SLC8A1: variants seen among roughly 807,000 people sequenced by gnomAD.
SLC8A1 encodes the protein solute carrier family 8 member A1.
SLC8A1 carries 18 observed loss-of-function variants against 68.3 expected under a neutral mutation model. The observed-to-expected ratio is 0.26, with a 90% CI of 0.18 to 0.39. The LOEUF is 0.39. Ranked by LOEUF, SLC8A1 falls within the 10% of genes least tolerant of loss-of-function variation. SLC8A1 has a pLI of 1.00. For missense variants in SLC8A1, 985 were observed against 1,156.7 expected (o/e 0.85, Z 2.15); for synonymous variants, 475 against 415.5 (o/e 1.14, Z -1.74).
At chr2:40,217,824 C>G (rs1210371015) in intron 2 of SLC8A1, among the ~76,000 whole-genome samples, 2 of 152,160 alleles carry the variant, frequency 1.3e-5, no homozygotes, top group Non-Finnish European at 2.9e-5. Context: ...ATAAGTCAAT[C>G]TAAATCATAC....
At chr2:40,494,656 T>C (rs1026735088) in intron 1 of SLC8A1, among the ~76,000 whole-genome samples, 4 of 113,328 alleles carry the variant, frequency 3.5e-5, no homozygotes, top group Non-Finnish European at 7.2e-5. Flanking sequence ...TATATATATA[T>C]ATATATATAT....
chr2:40,322,207 G>A (rs2075283367), intron 2 of SLC8A1, among the ~76,000 whole-genome samples: 1 of 152,102 alleles, frequency 6.6e-6, no homozygotes, highest in African/African-American at 2.4e-5. Flanking sequence ...AGTTTTCCAG[G>A]TATCCCTGGG....
intron 2 of SLC8A1, among the ~76,000 whole-genome samples, chr2:40,223,996 C>T (rs2058667625): frequency 1.3e-5 from 2 of 152,050 alleles, no homozygotes; most frequent in Admixed American, 6.6e-5. Context: ...CCTAAAATGA[C>T]ATAAGTAGCT....
intron 6 of SLC8A1, among the ~76,000 whole-genome samples, chr2:40,151,510 A>G (rs1320569658): frequency 6.6e-6 from 1 of 151,828 alleles, no homozygotes; most frequent in Non-Finnish European, 1.5e-5. Flanking sequence ...GTTTTTTTTT[A>G]TTTAGATTCT....
intron 2 of SLC8A1, among the ~76,000 whole-genome samples, chr2:40,313,827 T>C (rs1167359258): frequency 1.3e-5 from 2 of 152,130 alleles, no homozygotes; most frequent in Admixed American, 6.6e-5. Flanking sequence ...TGTTAACATA[T>C]ATTTTCTTTA....
intron 2 of SLC8A1, among the ~76,000 whole-genome samples, chr2:40,217,492 T>C (rs908303331): frequency 1.3e-5 from 2 of 152,150 alleles, no homozygotes; most frequent in African/African-American, 4.8e-5. Context: ...CCTGTATAGT[T>C]TCTTGGATGC....
At chr2:40,232,170 G>C (rs896672156) in intron 2 of SLC8A1, among the ~76,000 whole-genome samples, 1 of 151,960 alleles carries the variant, frequency 6.6e-6, no homozygotes, top group African/African-American at 2.4e-5. Context: ...CTTTGGAAAC[G>C]GAAAACCTTA....
intron 2 of SLC8A1, among the ~76,000 whole-genome samples, chr2:40,270,732 C>T (rs961994560): frequency 6.6e-6 from 1 of 152,166 alleles, no homozygotes. Flanking sequence ...TACACAGGTT[C>T]TGGGAATTAG....
At chr2:40,145,909 T>A (rs557121018) in intron 6 of SLC8A1, among the ~76,000 whole-genome samples, 3 of 152,258 alleles carry the variant, frequency 2.0e-5, no homozygotes, top group African/African-American at 2.4e-5. Flanking sequence ...CCACTCTTAA[T>A]GGCCTCTGCC....
intron 2 of SLC8A1, among the ~76,000 whole-genome samples, chr2:40,258,149 A>G (rs1457253950): frequency 6.6e-6 from 1 of 152,144 alleles, no homozygotes; most frequent in African/African-American, 2.4e-5. Flanking sequence ...ATAAAGAAAA[A>G]TCTCTAAACA....
chr2:40,409,189 C>T (rs1202806684), intron 2 of SLC8A1, among the ~76,000 whole-genome samples: 1 of 152,112 alleles, frequency 6.6e-6, no homozygotes, highest in Non-Finnish European at 1.5e-5. Context: ...GGTACAGCTT[C>T]TGGTATTCAT....
chr2:40,361,619 T>G (rs181512214), intron 2 of SLC8A1, among the ~76,000 whole-genome samples: 1 of 152,206 alleles, frequency 6.6e-6, no homozygotes, highest in African/African-American at 2.4e-5. Flanking sequence ...TGGTCTAATC[T>G]GTAGGGTACC....
intron 1 of SLC8A1, among the ~76,000 whole-genome samples, chr2:40,495,200 T>G (rs1705610815): frequency 6.6e-6 from 1 of 152,060 alleles, no homozygotes. Context: ...TATATGATTA[T>G]CTGAGTCACA....
At chr2:40,478,777 T>G (rs2149910185) in intron 1 of SLC8A1, among the ~76,000 whole-genome samples, 1 of 151,524 alleles carries the variant, frequency 6.6e-6, no homozygotes, top group East Asian at 1.9e-4. Flanking sequence ...TTTGTTTGTT[T>G]TTTTTTTTTT....
chr2:40,318,888 T>C (rs994532142), intron 2 of SLC8A1, among the ~76,000 whole-genome samples: 2 of 152,102 alleles, frequency 1.3e-5, no homozygotes, highest in Non-Finnish European at 2.9e-5. Flanking sequence ...AACTTTTCAA[T>C]ACAATGTTTG....
At chr2:40,161,426 A>T (rs979845198) in intron 5 of SLC8A1, among the ~76,000 whole-genome samples, 8 of 152,134 alleles carry the variant, frequency 5.3e-5, no homozygotes, top group Non-Finnish European at 8.8e-5. Context: ...AGAGAATCTC[A>T]TGCTCACCCT....
intron 2 of SLC8A1, among the ~76,000 whole-genome samples, chr2:40,372,488 T>C (rs919825271): frequency 6.6e-6 from 1 of 152,150 alleles, no homozygotes; most frequent in Non-Finnish European, 1.5e-5. Flanking sequence ...TAGATAATAC[T>C]ACCATGGCAA....
At chr2:40,361,887 C>CAT (rs1674732734) in intron 2 of SLC8A1, among the ~76,000 whole-genome samples, 1 of 53,104 alleles carries the variant, frequency 1.9e-5, no homozygotes, top group Non-Finnish European at 3.3e-5. Flanking sequence ...CTTTTCTTTC[C>CAT]TTTTTTTTTT....
At chr2:40,385,964 G>A (rs1432188816) in intron 2 of SLC8A1, among the ~76,000 whole-genome samples, 2 of 127,734 alleles carry the variant, frequency 1.6e-5, no homozygotes, top group African/African-American at 7.0e-5. Flanking sequence ...TAAACCTTCT[G>A]AATTATAATA....
Sources: allele counts gnomAD v4.1 joint callset (sites outside exome capture counted in the v4.1 genomes callset), GRCh38; gene constraint gnomAD v4.1.1; transcripts MANE v1.5; gene names NCBI Gene and HGNC (gene_info 2026-07-23, HGNC 2026-07-21).